RTL9: variants seen among roughly 807,000 people sequenced by gnomAD.
RTL9 encodes the protein retrotransposon Gag-like protein 9.
A neutral mutation model predicts 44.7 loss-of-function variants in RTL9; 19 were observed. That is an observed-to-expected ratio of 0.42 (90% CI 0.30 to 0.62). RTL9 has a LOEUF of 0.62. Among genes scored for constraint, RTL9 ranks in the 20% least tolerant of loss-of-function variants. RTL9 has a pLI of 0.16. For missense variants in RTL9, 1,105 were observed against 1,080.6 expected (o/e 1.02, Z -0.32); for synonymous variants, 407 against 398.9 (o/e 1.02, Z -0.24).
intron 1 of RTL9, among the ~76,000 whole-genome samples, chrX:110,400,665 C>T (rs1179311040): frequency 8.9e-6 from 1 of 111,732 alleles, no homozygotes; most frequent in Admixed American, 9.5e-5. Flanking sequence ...GCTTGTCTCG[C>T]AAATATTTTC....
chrX:110,369,494 A>C (rs891641202), intron 1 of RTL9, among the ~76,000 whole-genome samples: 4 of 111,683 alleles, frequency 3.6e-5, no homozygotes, highest in African/African-American at 1.3e-4. Context: ...CACTGCTACC[A>C]ACTTATTCCA....
chrX:110,388,060 G>T (rs2068469805), intron 1 of RTL9, among the ~76,000 whole-genome samples: 1 of 109,966 alleles, frequency 9.1e-6, no homozygotes, highest in Admixed American at 9.6e-5. Context: ...GTAGAGACGG[G>T]GTTTCATCAT....
exon 1 of RTL9, chrX:110,451,003 T>G: frequency 8.3e-7 from 1 of 1,212,007 alleles, no homozygotes; most frequent in Non-Finnish European, 1.1e-6. Context: ...TTGTCCCCAT[T>G]GCTGTCCACT....
intron 1 of RTL9, among the ~76,000 whole-genome samples, chrX:110,438,209 T>C (rs1468926910): frequency 9.0e-6 from 1 of 111,122 alleles, no homozygotes; most frequent in Non-Finnish European, 1.9e-5. Flanking sequence ...CGATGGGAGA[T>C]TTAAGAGGCT....
exon 1 of RTL9, chrX:110,451,916 C>T (rs777204711): frequency 2.5e-6 from 3 of 1,211,675 alleles, no homozygotes; most frequent in South Asian, 1.8e-5. Context: ...CAGTTCCAGC[C>T]TCTGGAGCCA....
chrX:110,444,933 G>C (rs773508450), intron 1 of RTL9, among the ~76,000 whole-genome samples: 1 of 112,475 alleles, frequency 8.9e-6, no homozygotes, highest in Admixed American at 9.4e-5. Context: ...TATCCCTCCT[G>C]TTCTCTCTGA....
chrX:110,377,369 C>T (rs2068384236), intron 1 of RTL9, among the ~76,000 whole-genome samples: 1 of 111,828 alleles, frequency 8.9e-6, no homozygotes, highest in African/African-American at 3.3e-5. Context: ...ACACCGATAC[C>T]TACAGTCTTC....
chrX:110,392,375 G>A (rs1305339238), intron 1 of RTL9, among the ~76,000 whole-genome samples: 1 of 106,356 alleles, frequency 9.4e-6, no homozygotes, highest in Non-Finnish European at 1.9e-5. Context: ...TCCTGGGCTC[G>A]AGTGATCCTC....
chrX:110,447,111 C>CTTTTTTTTTTTTT, upstream of RTL9, among the ~76,000 whole-genome samples: 76 of 36,828 alleles, frequency 2.1e-3, 8 homozygotes, highest in African/African-American at 5.0e-3. Context: ...TATTCTGTGA[C>CTTTTTTTTTTTTT]TTTTTTTTTT....
chrX:110,392,534 C>T (rs5985465), intron 1 of RTL9, among the ~76,000 whole-genome samples: 1,623 of 111,880 alleles, frequency 0.015, 19 homozygotes, highest in Middle Eastern at 0.032. Context: ...CCTCTCACTT[C>T]GGCCTCCCAA....
chrX:110,421,636 G>A (rs2068718133), intron 1 of RTL9, among the ~76,000 whole-genome samples: 1 of 112,934 alleles, frequency 8.9e-6, no homozygotes, highest in African/African-American at 3.2e-5. Context: ...GATTATAGAA[G>A]TGTAAACAAA....
At chrX:110,411,116 A>T (rs1335545643) in intron 1 of RTL9, among the ~76,000 whole-genome samples, 1 of 112,267 alleles carries the variant, frequency 8.9e-6, no homozygotes, top group Non-Finnish European at 1.9e-5. Context: ...TCTGAGCAAG[A>T]GAAGTCAGGG....
At chrX:110,453,803 AGCCACAGAC>A (rs763109304) in exon 1 of RTL9, 1 of 1,209,928 alleles carries the variant, frequency 8.3e-7, no homozygotes, top group African/African-American at 1.7e-5. Flanking sequence ...CACAAATGAC[AGCCACAGAC>A]TCTAGAGGGA....
At chrX:110,407,094 TTCACCAG>T (rs935645236) in intron 1 of RTL9, among the ~76,000 whole-genome samples, 7 of 112,097 alleles carry the variant, frequency 6.2e-5, no homozygotes, top group Admixed American at 3.8e-4. Context: ...TGCCGCCAAC[TTCACCAG>T]TCACCTTTGC....
intron 1 of RTL9, among the ~76,000 whole-genome samples, chrX:110,360,858 G>T (rs954617511): frequency 9.0e-6 from 1 of 111,403 alleles, no homozygotes; most frequent in African/African-American, 3.3e-5. Flanking sequence ...TATACAGGAA[G>T]AATTGATAGG....
intron 1 of RTL9, among the ~76,000 whole-genome samples, chrX:110,396,361 C>G (rs976708012): frequency 5.4e-5 from 6 of 111,880 alleles, no homozygotes; most frequent in Non-Finnish European, 9.4e-5. Context: ...CTTTTTCCCT[C>G]TTATGCTTTA....
chrX:110,378,735 A>G lies in RTL9; in HGVS notation c.-168+19819A>G, dbSNP rs185918357. 2.6e-3 allele frequency among the ~76,000 whole-genome samples: 288 copies of G among 111,756 alleles called. 1 individual carries two copies. The highest frequency in any genetic ancestry group is 9.1e-3 in the African/African-American group (278 of 30,713). ...CTATTCATTCTTTAATGCCCAAGAC[A>G]CATGCCACCAATTTCATTTGAATGG... On this transcript the variant is annotated intron_variant, in intron 1 of 2. Transcript: ENST00000520821.
In RTL9 at chrX:110,368,278, C is replaced by T. The variant is rs763579193; in HGVS notation, c.-168+9362C>T. Among the ~76,000 whole-genome samples, 5 of 110,707 alleles carry T rather than the reference C, an allele frequency of 4.5e-5. No individual in the cohort carries two copies. In the East Asian group the frequency reaches 1.1e-3, roughly 25 times the overall value. On this transcript the variant is annotated intron_variant, in intron 1 of 2. Coordinates refer to the RTL9 transcript ENST00000520821. ...TGTCATGCTCCTGCTCAAAACCGTC[C>T]GTGGCCTTTTATATTGTTCACAATA... is the stretch of plus-strand genomic sequence containing the variant.
chrX:110,401,791 A>G (rs2068566796), intron 1 of RTL9, among the ~76,000 whole-genome samples: 1 of 112,097 alleles, frequency 8.9e-6, no homozygotes. Flanking sequence ...TGTAAAATGG[A>G]TCTAATAATA....
Sources: gnomAD v4.1 joint callset for allele counts (sites outside exome capture counted in the v4.1 genomes callset) on GRCh38, gnomAD v4.1.1 for gene constraint, MANE v1.5 for transcripts, NCBI Gene and HGNC (gene_info 2026-07-23, HGNC 2026-07-21) for gene names.